The following RELB variants were observed in gnomAD, a reference collection of about 807,000 sequenced individuals.
The protein encoded by RELB is transcription factor RelB.
In RELB, 14 loss-of-function variants were observed where a neutral mutation model predicts 55.4. The ratio of observed to expected loss-of-function variants is 0.25; its 90% CI spans 0.17 to 0.40. The LOEUF is 0.40. Among genes scored for constraint, RELB ranks in the 10% least tolerant of loss-of-function variants. The pLI, the probability that RELB is intolerant of heterozygous loss-of-function variation, is 1.00. For missense variants in RELB, 669 were observed against 830.7 expected, an observed-to-expected ratio of 0.81 and a Z score of 2.39; for synonymous variants, 409 against 371.3, an observed-to-expected ratio of 1.10 and a Z score of -1.17.
At chr19:45,010,558 G>T in intron 3 of RELB, among the ~76,000 whole-genome samples, 1 of 152,100 alleles carries the variant, frequency 6.6e-6, no homozygotes, top group Non-Finnish European at 1.5e-5. Flanking sequence ...GACACATTAG[G>T]TTAGGCTTTT....
intron 3 of RELB, 125 bp from the exon 4 acceptor site, chr19:45,011,789 TGTGTGTGTGAGAGAGAGAGAGA>T (rs1259605870): frequency 2.9e-5 from 9 of 307,216 alleles, no homozygotes; most frequent in African/African-American, 5.3e-5. Context: ...TGTGTGTGTG[TGTGTGTGTGAGAGAGAGAGAGA>T]GAGAGAGAGA....
At chr19:45,033,629 G>A (rs948145202) in intron 9 of RELB, among the ~76,000 whole-genome samples, 2 of 151,898 alleles carry the variant, frequency 1.3e-5, no homozygotes, top group African/African-American at 4.8e-5. Flanking sequence ...AGGTTGCAGT[G>A]AGCCAAGATT....
At chr19:45,005,087 C>T (rs10423934) in intron 2 of RELB, among the ~76,000 whole-genome samples, 11,790 of 152,072 alleles carry the variant, frequency 0.078, 644 homozygotes, top group African/African-American at 0.16. Flanking sequence ...AGGAGAATCA[C>T]TTGAACCCGG....
intron 11 of RELB, among the ~76,000 whole-genome samples, chr19:45,034,760 T>C (rs1295783479): frequency 6.6e-6 from 1 of 152,170 alleles, no homozygotes; most frequent in African/African-American, 2.4e-5. Flanking sequence ...GTTCTACCTC[T>C]CAGAGCCTCA....
Position 45,027,725 on chromosome 19 carries a change from G to C in RELB, c.887-1163G>C, listed in dbSNP as rs1399738874. On this transcript the variant is annotated intron_variant, in intron 7 of 11. Coordinates refer to ENST00000221452, the MANE Select transcript of RELB (RefSeq NM_006509.4). ...GAGGGAAAATTGGAGGCTGTTAAAA[G>C]AAGAGGGGTCAGGACTACTAGATGG... Among the ~76,000 whole-genome samples the C allele has an allele frequency of 2.0e-5, 3 of 151,918 alleles. No homozygotes were observed. The East Asian group carries it at 5.8e-4, about 29-fold the overall frequency.
At chr19:45,021,041 A>G (rs1971479461) in intron 4 of RELB, among the ~76,000 whole-genome samples, 1 of 151,996 alleles carries the variant, frequency 6.6e-6, no homozygotes, top group Non-Finnish European at 1.5e-5. Flanking sequence ...CAGGCATGGT[A>G]GTGTGCGCCT....
chr19:45,033,238 G>C (rs1267591624), intron 9 of RELB, among the ~76,000 whole-genome samples: 1 of 152,134 alleles, frequency 6.6e-6, no homozygotes, highest in East Asian at 1.9e-4. Flanking sequence ...TTGGAGGAGG[G>C]GACAGCTGAG....
At chr19:45,008,623 G>A in intron 2 of RELB, 1 of 440,548 alleles carries the variant, frequency 2.3e-6, no homozygotes, top group Non-Finnish European at 4.6e-6. Flanking sequence ...GATCCCATGA[G>A]ATAAGGGGTG....
chr19:45,032,346 G>A, intron 8 of RELB, 188 bp from the exon 9 acceptor site: 2 of 541,226 alleles, frequency 3.7e-6, no homozygotes, highest in Non-Finnish European at 6.7e-6. Flanking sequence ...TTGAACCCGG[G>A]AGGCAGAGGT....
rs1419288354 is a variant in RELB, at chr19:45,012,131, G to A, written c.359G>A (p.Gly120Asp). The change falls in exon 4 of 12, where the codon GGC becomes GAC. Residue 120 changes from glycine (G) to aspartate (D), a missense_variant. Around this residue, in one of 3 missense-constraint regions of RELB, gnomAD observed 323 missense variants for 368.5 expected, o/e 0.88. Coordinates refer to ENST00000221452, the MANE Select transcript of RELB (RefSeq NM_006509.4). Reference sequence around the variant, plus strand: ...GGCCGACTAGTGTCCCCAGCGCCGGGCCCGGGCCCGCAGCCGCACCTGGTC... The same window carrying A: ...GGCCGACTAGTGTCCCCAGCGCCGGACCCGGGCCCGCAGCCGCACCTGGTC... ...PLGRLVSPAPGPGPQPHLVIT... is the reference protein window; with the variant it reads ...PLGRLVSPAPDPGPQPHLVIT... The A allele has an allele frequency of 1.3e-6, 2 of 1,556,736 alleles. No homozygotes were observed. Among genetic ancestry groups the A allele is most frequent in the African/African-American group, 1.4e-5 (1 of 69,850 alleles).
chr19:45,009,141 C>T (rs559651821), intron 2 of RELB, among the ~76,000 whole-genome samples: 24 of 152,228 alleles, frequency 1.6e-4, no homozygotes, highest in African/African-American at 4.6e-4. Context: ...AGTGCAGTGA[C>T]GCAATCTCAG....
intron 2 of RELB, among the ~76,000 whole-genome samples, chr19:45,006,747 G>A (rs1343341821): frequency 6.6e-6 from 1 of 151,282 alleles, no homozygotes; most frequent in Non-Finnish European, 1.5e-5. Context: ...GATCACCTGA[G>A]GTCAGGAGTT....
chr19:45,036,885 G>A lies in RELB; in HGVS notation c.1355-520G>A, dbSNP rs142018218. Among the ~76,000 whole-genome samples the A allele has an allele frequency of 3.9e-4, 59 of 152,150 alleles. No individual in the cohort carries two copies. The South Asian group carries it at 4.2e-3, about 11-fold the overall frequency. On this transcript the variant is annotated intron_variant, in intron 11 of 11. Transcript: ENST00000221452. ...TTTTGTAGAGACAGGGTCTCGTCAC[G>A]TTGTGCTGGGATTACAGGTGTGAAC...
chr19:45,025,821 A>G lies in RELB; in HGVS notation c.886+84A>G, dbSNP rs1765531569. The G allele has an allele frequency of 4.5e-6, 7 of 1,549,674 alleles. No homozygotes were observed. The African/African-American group carries it at 9.5e-5, about 21-fold the overall frequency. ...CCGCTTACAGAGGCATGAATGGCTC[A>G]GGCGCTGTGGCTCACGCCTGTAATC... is the stretch of plus-strand genomic sequence containing the variant. On this transcript the variant is annotated intron_variant, in intron 7 of 11. Transcript: ENST00000221452.
chr19:45,003,474 CAAAAAAAAAAA>C (rs55717847), intron 2 of RELB: 24 of 340,732 alleles, frequency 7.0e-5, no homozygotes, highest in Admixed American at 1.1e-4. Flanking sequence ...GACTCCGACT[CAAAAAAAAAAA>C]AAAAAAAAAA....
chr19:45,021,245 G>C (rs562082356), intron 4 of RELB, among the ~76,000 whole-genome samples: 1 of 151,800 alleles, frequency 6.6e-6, no homozygotes, highest in Admixed American at 6.6e-5. Context: ...AGGCCGAGGC[G>C]GGCGGATCAC....
chr19:45,032,824 T>C, intron 9 of RELB, 75 bp downstream of exon 9: 1 of 1,250,834 alleles, frequency 8.0e-7, no homozygotes, highest in Non-Finnish European at 1.1e-6. Context: ...CCAGTGGGGA[T>C]GGGAAAGAGG....
intron 4 of RELB, among the ~76,000 whole-genome samples, chr19:45,016,651 T>C (rs1210677952): frequency 1.3e-5 from 2 of 151,952 alleles, no homozygotes; most frequent in African/African-American, 4.8e-5. Flanking sequence ...AGACCTCGTC[T>C]CAAAAAAGAA....
intron 2 of RELB, among the ~76,000 whole-genome samples, chr19:45,006,973 G>C (rs200172764): frequency 6.9e-6 from 1 of 145,260 alleles, no homozygotes; most frequent in Non-Finnish European, 1.5e-5. Context: ...AAAAAAAAAA[G>C]AAAATGATAA....
Sources: gnomAD v4.1 joint callset for allele counts (sites outside exome capture counted in the v4.1 genomes callset) on GRCh38, gnomAD v4.1.1 for gene constraint, gnomAD v4.1.1 regional missense constraint, MANE v1.5 for transcripts, NCBI Gene and HGNC (gene_info 2026-07-23, HGNC 2026-07-21) for gene names.